The following OSBPL6 variants were observed in gnomAD, a reference collection of about 807,000 sequenced individuals.
OSBPL6 encodes oxysterol-binding protein-related protein 6.
In OSBPL6, 49 loss-of-function variants were observed where a neutral mutation model predicts 125.8. The ratio of observed to expected loss-of-function variants is 0.39; its 90% CI spans 0.31 to 0.49. OSBPL6 has a LOEUF of 0.49. OSBPL6 is among the 20% of genes least tolerant of loss of function. The pLI is 0.88. For synonymous variants in OSBPL6, 394 were observed against 391.8 expected (o/e 1.01, Z -0.07); for missense variants, 986 against 1,135.4 (o/e 0.87, Z 1.89).
At chr2:178,250,073 T>TCACAGATGATGGAAACAGTGG (rs2091640132) in intron 1 of OSBPL6, among the ~76,000 whole-genome samples, 1 of 152,208 alleles carries the variant, frequency 6.6e-6, no homozygotes, top group Non-Finnish European at 1.5e-5. Context: ...AGTTCCCACT[T>TCACAGATGATGGAAACAGTGG]CACAGATGAT....
At chr2:178,323,265 A>T (rs1462769341) in intron 3 of OSBPL6, among the ~76,000 whole-genome samples, 1 of 152,192 alleles carries the variant, frequency 6.6e-6, no homozygotes, top group Non-Finnish European at 1.5e-5. Context: ...CTAAGTTAGA[A>T]CATCTTTTCA....
At chr2:178,325,524 C>A (rs1688624790) in intron 4 of OSBPL6, among the ~76,000 whole-genome samples, 1 of 152,098 alleles carries the variant, frequency 6.6e-6, no homozygotes, top group South Asian at 2.1e-4. Context: ...GACTGTATAC[C>A]TGGTAAATAT....
At chr2:178,318,075 C>T (rs1193830019) in intron 3 of OSBPL6, among the ~76,000 whole-genome samples, 10 of 152,152 alleles carry the variant, frequency 6.6e-5, no homozygotes. Flanking sequence ...CACCAGTAAG[C>T]TCTGGTTCTA....
At chr2:178,347,529 C>T (rs1400246087) in intron 11 of OSBPL6, among the ~76,000 whole-genome samples, 3 of 152,180 alleles carry the variant, frequency 2.0e-5, no homozygotes, top group African/African-American at 7.2e-5. Context: ...AGCATCACCA[C>T]AGTTAGGGTC....
intron 1 of OSBPL6, among the ~76,000 whole-genome samples, chr2:178,214,654 T>C (rs2090009939): frequency 6.6e-6 from 1 of 152,128 alleles, no homozygotes; most frequent in Non-Finnish European, 1.5e-5. Flanking sequence ...TACAAAATAC[T>C]TTCACATGGA....
chr2:178,270,948 C>T (rs185867664), intron 1 of OSBPL6, among the ~76,000 whole-genome samples: 135 of 152,246 alleles, frequency 8.9e-4, no homozygotes, highest in African/African-American at 3.0e-3. Flanking sequence ...GAGTAACCTG[C>T]CCAGGGCTTC....
intron 22 of OSBPL6, among the ~76,000 whole-genome samples, 162 bp downstream of exon 22, chr2:178,391,379 A>G (rs529848164): frequency 6.6e-6 from 1 of 152,268 alleles, no homozygotes. Flanking sequence ...TACTTAACAT[A>G]GAAGTTATAC....
chr2:178,282,041 A>T (rs1574736400), intron 1 of OSBPL6, among the ~76,000 whole-genome samples: 1 of 152,228 alleles, frequency 6.6e-6, no homozygotes, highest in African/African-American at 2.4e-5. Flanking sequence ...CACAGTTCAC[A>T]CATAAAACTG....
intron 1 of OSBPL6, among the ~76,000 whole-genome samples, chr2:178,252,120 G>GC (rs1163937229): frequency 1.3e-5 from 1 of 75,854 alleles, no homozygotes; most frequent in Admixed American, 1.1e-4. Flanking sequence ...TTAAATTGTT[G>GC]CCAAAAAGGT....
At chr2:178,334,487 A>C (rs1689502444) in intron 8 of OSBPL6, among the ~76,000 whole-genome samples, 1 of 152,166 alleles carries the variant, frequency 6.6e-6, no homozygotes, top group South Asian at 2.1e-4. Context: ...ACGATGTTAA[A>C]ATTATCTCAA....
intron 2 of OSBPL6, among the ~76,000 whole-genome samples, chr2:178,290,548 A>C (rs936126176): frequency 6.6e-6 from 1 of 151,794 alleles, no homozygotes; most frequent in African/African-American, 2.4e-5. Flanking sequence ...AATCACAGTG[A>C]ATTTGCACAT....
rs1575070091 is a variant in OSBPL6, at chr2:178,399,492, C to T, written c.*3933C>T. On this transcript the variant is annotated 3_prime_UTR_variant, in exon 25 of 25. Transcript: ENST00000190611. Reference sequence around the variant, plus strand: ...TAGCTTTTGCTTTTAAAGAAGATGGCAAATTATCTAAGAAAGACTTAGCTT... The same window carrying T: ...TAGCTTTTGCTTTTAAAGAAGATGGTAAATTATCTAAGAAAGACTTAGCTT... The T allele has an allele frequency of 2.6e-5, 4 of 152,074 alleles. No individual in the cohort carries two copies. The highest frequency in any genetic ancestry group is 9.7e-5 in the African/African-American group (4 of 41,390). The allele number at this position is 152,074 out of a possible 1,614,324, so 9.4% of individuals were successfully genotyped here. A position where few individuals can be genotyped will look rare whatever the true frequency, so the allele number is the denominator to read the frequency against.
intron 5 of OSBPL6, among the ~76,000 whole-genome samples, chr2:178,330,937 C>CT (rs1242976542): frequency 6.6e-6 from 1 of 152,130 alleles, no homozygotes; most frequent in East Asian, 1.9e-4. Context: ...AAACCCCTCT[C>CT]TTTTTTTACC....
At chr2:178,281,601 A>G (rs768377463) in intron 1 of OSBPL6, among the ~76,000 whole-genome samples, 2 of 152,058 alleles carry the variant, frequency 1.3e-5, no homozygotes, top group Admixed American at 6.6e-5. Flanking sequence ...CTTATTTTCT[A>G]TGCTGTCCCA....
intron 11 of OSBPL6, chr2:178,344,335 G>C: frequency 6.2e-7 from 1 of 1,614,150 alleles, no homozygotes; most frequent in Non-Finnish European, 8.5e-7. Flanking sequence ...CGCCGGCAGA[G>C]GCTAGCGGCA....
intron 12 of OSBPL6, among the ~76,000 whole-genome samples, chr2:178,360,852 CA>C (rs1429563372): frequency 6.6e-6 from 1 of 152,162 alleles, no homozygotes; most frequent in Non-Finnish European, 1.5e-5. Flanking sequence ...CCCTGTAATT[CA>C]GCCACTCTAT....
intron 19 of OSBPL6, among the ~76,000 whole-genome samples, chr2:178,386,560 T>A (rs1694948715): frequency 6.6e-6 from 1 of 152,226 alleles, no homozygotes; most frequent in African/African-American, 2.4e-5. Context: ...ATAAATTAAT[T>A]GTATTGCTAT....
Position 178,328,286 on chromosome 2 carries a change from C to G in OSBPL6, c.226C>G (p.Leu76Val). ...TGACAGCTGGGAAATTATAGAAGGGCTGAAAATAGGCCAAACCAATGTCCA... is the reference window on the plus strand; with the variant it reads ...TGACAGCTGGGAAATTATAGAAGGGGTGAAAATAGGCCAAACCAATGTCCA... The part of the protein sequence containing the change: ...EADSWEIIEG[L>V]KIGQTNVQKP... The change falls in exon 5 of 25, where the codon CTG (leucine) becomes GTG (valine). Residue 76 changes from leucine (L) to valine (V), a missense_variant. Coordinates refer to ENST00000190611, the MANE Select transcript of OSBPL6 (RefSeq NM_032523.4). 6.2e-7 allele frequency: 1 copy of G among 1,613,816 alleles called. No individual in the cohort carries two copies. The highest frequency in any genetic ancestry group is 8.5e-7 in the Non-Finnish European group (1 of 1,179,820).
At chr2:178,285,246 G>A (rs9288016) in intron 2 of OSBPL6, 125 bp downstream of exon 2, 159,213 of 392,070 alleles carry the variant, frequency 0.41, 35,564 homozygotes, top group East Asian at 0.67. Flanking sequence ...TCTCTTATTT[G>A]TATGTCAGAT....
Sources: gnomAD v4.1 joint callset for allele counts (sites outside exome capture counted in the v4.1 genomes callset) on GRCh38, gnomAD v4.1.1 for gene constraint, MANE v1.5 for transcripts, NCBI Gene and HGNC (gene_info 2026-07-23, HGNC 2026-07-21) for gene names.